The following FYTTD1 variants were observed in gnomAD, a reference collection of about 807,000 sequenced individuals.
FYTTD1 encodes forty-two-three domain containing 1.
Under a neutral mutation model 40.9 loss-of-function variants are expected in FYTTD1, and 22 were observed. That is an observed-to-expected ratio of 0.54 (90% CI 0.38 to 0.77). The LOEUF (loss-of-function observed/expected upper bound fraction) is 0.77. FYTTD1 is among the 30% of genes least tolerant of loss of function. The probability of loss-of-function intolerance (pLI) is 0.00; values close to 1 mark genes in which losing one functional copy is unlikely to be tolerated. For synonymous variants in FYTTD1, 140 were observed against 137.9 expected, an observed-to-expected ratio of 1.01 and a Z score of -0.10; for missense variants, 351 against 392.2, an observed-to-expected ratio of 0.90 and a Z score of 0.89.
intron 2 of FYTTD1, among the ~76,000 whole-genome samples, chr3:197,761,920 T>C (rs1009631145): frequency 6.6e-6 from 1 of 152,200 alleles, no homozygotes; most frequent in African/African-American, 2.4e-5. Flanking sequence ...TTTTGGAGAT[T>C]AGCAGTTCAA....
intron 1 of FYTTD1, among the ~76,000 whole-genome samples, chr3:197,753,814 G>A (rs529945546): frequency 3.9e-5 from 6 of 152,168 alleles, no homozygotes; most frequent in Admixed American, 2.6e-4. Context: ...GGAGTGCAGT[G>A]GCACGATCTC....
chr3:197,777,955 T>C (rs1475132497), intron 7 of FYTTD1, among the ~76,000 whole-genome samples: 1 of 152,200 alleles, frequency 6.6e-6, no homozygotes, highest in Admixed American at 6.5e-5. Context: ...CAAGCGATCC[T>C]TGTGCCTTGG....
chr3:197,750,337 G>A (rs1728973149), intron 1 of FYTTD1: 9 of 1,142,132 alleles, frequency 7.9e-6, no homozygotes, highest in Admixed American at 4.7e-5. Flanking sequence ...GGGGCGCTGC[G>A]GGCCCGAAGG....
chr3:197,755,145 A>T (rs1729176310), intron 1 of FYTTD1, among the ~76,000 whole-genome samples: 1 of 152,220 alleles, frequency 6.6e-6, no homozygotes, highest in Admixed American at 6.5e-5. Flanking sequence ...TAGAAAGAAA[A>T]ATAAGGTAAC....
At chr3:197,780,444 T>C (rs1729998783) in intron 8 of FYTTD1, among the ~76,000 whole-genome samples, 2 of 152,240 alleles carry the variant, frequency 1.3e-5, no homozygotes, top group Admixed American at 1.3e-4. Context: ...CAGTCCAATG[T>C]TGAGTAGAAG....
chr3:197,757,464 A>G (rs1220895971), intron 2 of FYTTD1, among the ~76,000 whole-genome samples: 2 of 152,272 alleles, frequency 1.3e-5, no homozygotes, highest in African/African-American at 4.8e-5. Context: ...TTCTGTGTTT[A>G]CAGCTAATAT....
chr3:197,773,444 T>G lies in FYTTD1; in HGVS notation c.539T>G (p.Leu180Ter). 6.2e-7 allele frequency: 1 copy of G among 1,604,298 alleles called. No individual in the cohort carries two copies. The highest frequency in any genetic ancestry group is 2.2e-5 in the East Asian group (1 of 44,804). ...AATTTTACCAGGAGTGGAAATAAAT[T>G]AAATCATCAGAAAGATACTCGTCAG... ...PANFTRSGNK[L>*]NHQKDTRQAT... Residue 180 changes from leucine (L) to a stop codon, truncating the protein, a stop_gained, in exon 5 of 9, where the codon TTA (leucine) becomes TGA (stop). Transcript: ENST00000241502. LOFTEE classifies it high-confidence loss of function.
Position 197,768,505 on chromosome 3 carries a change from T to G in FYTTD1, c.302T>G (p.Val101Gly). 6.2e-7 allele frequency: 1 copy of G among 1,613,068 alleles called. No homozygotes were observed. The change falls in exon 3 of 9, where the codon GTT becomes GGT. Residue 101 changes from valine to glycine, a missense_variant. Physicochemically the swap from Val to Gly is moderately radical, Grantham distance 109. Transcript: ENST00000241502. ...VMPGKRRPNG[V>G]ITGLAARKTT... The stretch of plus-strand genomic sequence containing the variant: ...CCTGGAAAGAGACGTCCTAATGGAG[T>G]TATCACTGGCCTTGCAGCTAGGAAA...
Position 197,753,992 on chromosome 3 carries a change from G to A in FYTTD1, c.104-2434G>A, listed in dbSNP as rs1418613695. ...CCTGACCTCATGATCCGCCCACTTC[G>A]GCCTCCCAAAGTGCTGGGATTACAG... On this transcript the variant is annotated intron_variant, in intron 1 of 8. Transcript: ENST00000241502. 3.9e-5 allele frequency among the ~76,000 whole-genome samples: 6 copies of A among 152,034 alleles called. No homozygotes were observed. The South Asian group carries it at 8.3e-4, about 21-fold the overall frequency.
chr3:197,764,212 A>C (rs957247354), intron 2 of FYTTD1, among the ~76,000 whole-genome samples: 1 of 152,228 alleles, frequency 6.6e-6, no homozygotes, highest in African/African-American at 2.4e-5. Flanking sequence ...GTACCCCTTC[A>C]TAGTGCTTTT....
chr3:197,760,950 GTGTTCTTCAGTGGTAGAATGTATAGACT>G (rs1729367372), intron 2 of FYTTD1, among the ~76,000 whole-genome samples: 1 of 144,960 alleles, frequency 6.9e-6, no homozygotes, highest in Non-Finnish European at 1.5e-5. Flanking sequence ...AATGTATAGA[GTGTTCTTCAGTGGTAGAATGTATAGACT>G]TGTTCTTCAG....
At chr3:197,781,739 A>C in intron 8 of FYTTD1, 72 bp from the exon 9 acceptor site, 1 of 1,061,866 alleles carries the variant, frequency 9.4e-7, no homozygotes. Flanking sequence ...TATTGTTCCA[A>C]AGCAAATATG....
In FYTTD1 at chr3:197,778,391, G is replaced by C; in HGVS notation, c.785G>C (p.Arg262Pro). The C allele has an allele frequency of 1.2e-6, 2 of 1,611,954 alleles. No homozygotes were observed. Among genetic ancestry groups the C allele is most frequent in the Non-Finnish European group, 1.7e-6 (2 of 1,178,344 alleles). Reference protein sequence around the residue: ...RTAVPSFLTKREQSDVKKVPK... With the variant: ...RTAVPSFLTKPEQSDVKKVPK... ...GCTGTACCTTCATTTTTAACAAAGC[G>C]GGAGCAAAGTGACGTCAAGAAAGTT... Residue 262 changes from arginine to proline, a missense_variant, in exon 8 of 9, where the codon CGG becomes CCG. Physicochemically the swap from Arg to Pro is moderately radical, Grantham distance 103. Transcript: ENST00000241502.
At chr3:197,770,742 G>T (rs1729693724) in intron 4 of FYTTD1, among the ~76,000 whole-genome samples, 1 of 151,622 alleles carries the variant, frequency 6.6e-6, no homozygotes, top group Admixed American at 6.6e-5. Flanking sequence ...TAGAGACAGG[G>T]TCTCACCATG....
chr3:197,755,772 G>A (rs1560492229), intron 1 of FYTTD1: 2 of 1,549,482 alleles, frequency 1.3e-6, no homozygotes, highest in Non-Finnish European at 8.7e-7. Flanking sequence ...ATAGGTGTGA[G>A]TCACCATGCC....
At chr3:197,758,880 C>T (rs537457959) in intron 2 of FYTTD1, among the ~76,000 whole-genome samples, 7 of 152,294 alleles carry the variant, frequency 4.6e-5, no homozygotes, top group Admixed American at 6.5e-5. Flanking sequence ...TTTGCAGATC[C>T]GCGGTATGAT....
intron 1 of FYTTD1, 170 bp downstream of exon 1, chr3:197,750,244 GCC>G: frequency 2.4e-6 from 2 of 847,538 alleles, no homozygotes; most frequent in South Asian, 6.7e-5. Context: ...CAGGCTCGAC[GCC>G]AGGTGCCCGG....
chr3:197,767,266 G>T (rs1251293236), intron 2 of FYTTD1, among the ~76,000 whole-genome samples: 1 of 151,900 alleles, frequency 6.6e-6, no homozygotes, highest in African/African-American at 2.4e-5. Flanking sequence ...AGCCTCCCGA[G>T]TAGCTGGGAC....
chr3:197,778,383 A>C lies in FYTTD1; in HGVS notation c.777A>C (p.Leu259Phe). 1 of 1,612,380 alleles carries C rather than the reference A, an allele frequency of 6.2e-7. No individual in the cohort carries two copies. Among genetic ancestry groups the C allele is most frequent in the East Asian group, 2.2e-5 (1 of 44,854 alleles). Residue 259 changes from leucine (L) to phenylalanine (F), a missense_variant, in exon 8 of 9, where the codon TTA becomes TTC. Transcript: ENST00000241502. ...RLTRTAVPSF[L>F]TKREQSDVKK... Reference sequence around the variant, plus strand: ...CTCGTACTGCTGTACCTTCATTTTTAACAAAGCGGGAGCAAAGTGACGTCA... The same window carrying C: ...CTCGTACTGCTGTACCTTCATTTTTCACAAAGCGGGAGCAAAGTGACGTCA...
Sources: gnomAD v4.1 joint callset for allele counts (sites outside exome capture counted in the v4.1 genomes callset) on GRCh38, gnomAD v4.1.1 for gene constraint, MANE v1.5 for transcripts, NCBI Gene and HGNC (gene_info 2026-07-23, HGNC 2026-07-21) for gene names.